The following PDE11A variants were observed in gnomAD, a reference collection of about 807,000 sequenced individuals.
The protein encoded by PDE11A is phosphodiesterase 11A.
Under a neutral mutation model 100.5 loss-of-function variants are expected in PDE11A, and 100 were observed. The ratio of observed to expected loss-of-function variants is 1.00; its 90% CI spans 0.85 to 1.18. PDE11A has a LOEUF of 1.18. Among genes scored for constraint, PDE11A ranks in the 50% most tolerant of loss-of-function variants. The probability of loss-of-function intolerance (pLI) is 0.00; values close to 1 mark genes in which losing one functional copy is unlikely to be tolerated. For missense variants in PDE11A, 1,141 were observed against 1,152.6 expected, an observed-to-expected ratio of 0.99 and a Z score of 0.15; for synonymous variants, 381 against 420.8, an observed-to-expected ratio of 0.91 and a Z score of 1.16.
chr2:177,783,339 G>T (rs1394254526), intron 9 of PDE11A, among the ~76,000 whole-genome samples: 1 of 152,184 alleles, frequency 6.6e-6, no homozygotes, highest in African/African-American at 2.4e-5. Flanking sequence ...TACTTCAGAA[G>T]TTCTCATATG....
chr2:177,762,656 G>T (rs1047721579), intron 10 of PDE11A, among the ~76,000 whole-genome samples: 1 of 152,116 alleles, frequency 6.6e-6, no homozygotes, highest in African/African-American at 2.4e-5. Flanking sequence ...GGAATGCAGT[G>T]AATTCTGCTG....
chr2:177,860,226 A>G (rs1026815554), intron 5 of PDE11A, among the ~76,000 whole-genome samples: 1 of 151,752 alleles, frequency 6.6e-6, no homozygotes, highest in Non-Finnish European at 1.5e-5. Context: ...TTTGCCAAAA[A>G]AAAAAAGAGA....
At chr2:178,009,162 C>T (rs2086246729) in intron 2 of PDE11A, among the ~76,000 whole-genome samples, 3 of 152,144 alleles carry the variant, frequency 2.0e-5, no homozygotes, top group Non-Finnish European at 2.9e-5. Context: ...TTGCTCCTAT[C>T]GAGGTCTCAT....
chr2:177,713,887 T>A (rs1051151948), intron 12 of PDE11A, among the ~76,000 whole-genome samples: 4 of 151,874 alleles, frequency 2.6e-5, no homozygotes, highest in African/African-American at 9.7e-5. Context: ...AAATCAGTAG[T>A]CCCTCATTAT....
chr2:177,912,117 G>A (rs560855902), intron 2 of PDE11A, among the ~76,000 whole-genome samples: 1 of 152,118 alleles, frequency 6.6e-6, no homozygotes, highest in African/African-American at 2.4e-5. Context: ...GCAAACCCAA[G>A]GTGGGCTCCT....
At chr2:177,816,030 G>A (rs1014183132) in intron 9 of PDE11A, among the ~76,000 whole-genome samples, 5 of 152,156 alleles carry the variant, frequency 3.3e-5, no homozygotes, top group African/African-American at 1.2e-4. Context: ...GGCCAACATA[G>A]TGAAACCTCA....
rs188992106 is a variant in PDE11A, at chr2:178,071,471, G to A, written c.912+55C>T. On this transcript the variant is annotated intron_variant, in intron 1 of 19. Transcript: ENST00000286063. Reference sequence around the variant, plus strand: ...CCTGGATGCCAGATGATAACCGAAGGCTTATCTCCCAAGCCAATGGGGCTC... The same window carrying A: ...CCTGGATGCCAGATGATAACCGAAGACTTATCTCCCAAGCCAATGGGGCTC... 15,523 of 1,609,540 alleles carry A rather than the reference G, an allele frequency of 9.6e-3. 119 individuals carry two copies. The highest frequency in any genetic ancestry group is 0.012 in the Non-Finnish European group (13,903 of 1,176,396).
chr2:177,806,275 C>A (rs1222098954), intron 9 of PDE11A, among the ~76,000 whole-genome samples: 1 of 152,156 alleles, frequency 6.6e-6, no homozygotes, highest in Non-Finnish European at 1.5e-5. Flanking sequence ...AGCTGCAATT[C>A]AAACCCCTCC....
chr2:177,999,469 G>A (rs770282899), intron 2 of PDE11A, among the ~76,000 whole-genome samples: 5 of 152,132 alleles, frequency 3.3e-5, no homozygotes, highest in South Asian at 4.1e-4. Flanking sequence ...TTAAAGCTTC[G>A]AAAAATTAAT....
intron 1 of PDE11A, among the ~76,000 whole-genome samples, chr2:178,068,125 A>G (rs530126047): frequency 6.6e-6 from 1 of 152,306 alleles, no homozygotes; most frequent in South Asian, 2.1e-4. Flanking sequence ...TCTTGAGGGC[A>G]ATTTTTTCAT....
intron 2 of PDE11A, among the ~76,000 whole-genome samples, chr2:178,079,248 T>G (rs1009296286): frequency 6.6e-6 from 1 of 152,184 alleles, no homozygotes; most frequent in Non-Finnish European, 1.5e-5. Flanking sequence ...ACCTAGGTAT[T>G]AAGCCCAGCA....
At chr2:177,883,918 C>T (rs935293078) in intron 4 of PDE11A, among the ~76,000 whole-genome samples, 2 of 152,190 alleles carry the variant, frequency 1.3e-5, no homozygotes, top group Admixed American at 6.5e-5. Flanking sequence ...ACCACTAGAA[C>T]TGGTAAACAA....
At chr2:178,102,531 C>A (rs1186768341) in intron 2 of PDE11A, among the ~76,000 whole-genome samples, 1 of 150,418 alleles carries the variant, frequency 6.6e-6, no homozygotes, top group Admixed American at 6.6e-5. Flanking sequence ...GCCTTGGCTT[C>A]CCAAAGTACA....
intron 2 of PDE11A, among the ~76,000 whole-genome samples, chr2:177,930,994 T>A (rs2085198132): frequency 6.6e-6 from 1 of 152,180 alleles, no homozygotes; most frequent in African/African-American, 2.4e-5. Context: ...ACTCACATAG[T>A]CACAGGCTAA....
chr2:177,898,072 C>T lies in PDE11A; in HGVS notation c.1288G>A (p.Asp430Asn), dbSNP rs955218387. ...AGATAACTTACTGGTGATTCGATGTCCTCTAGGAGTAAAACAGAACAGCGT... is the reference window on the plus strand; with the variant it reads ...AGATAACTTACTGGTGATTCGATGTTCTCTAGGAGTAAAACAGAACAGCGT... ...CERCSVLLLEDIESPVVKFTK... is the reference protein window; with the variant it reads ...CERCSVLLLENIESPVVKFTK... The change falls in exon 4 of 20, where the codon GAC becomes AAC. Residue 430 changes from aspartate (D) to asparagine (N), a missense_variant. Coordinates refer to ENST00000286063, the MANE Select transcript of PDE11A (RefSeq NM_016953.4). 4 of 1,612,322 alleles carry T rather than the reference C, an allele frequency of 2.5e-6. No homozygotes were observed. In the Admixed American group the frequency reaches 6.7e-5, roughly 27 times the overall value.
chr2:177,818,947 A>C (rs530366748), intron 7 of PDE11A, among the ~76,000 whole-genome samples: 2 of 127,108 alleles, frequency 1.6e-5, no homozygotes, highest in Non-Finnish European at 3.2e-5. Flanking sequence ...CATCATATGC[A>C]AGAAGACATA....
chr2:177,954,540 CA>C (rs544507076), intron 2 of PDE11A, among the ~76,000 whole-genome samples: 95 of 152,132 alleles, frequency 6.2e-4, no homozygotes, highest in African/African-American at 2.2e-3. Flanking sequence ...CTCCATTTGA[CA>C]AAATGAAGAA....
At chr2:177,936,617 G>C (rs1415964210) in intron 2 of PDE11A, among the ~76,000 whole-genome samples, 1 of 152,142 alleles carries the variant, frequency 6.6e-6, no homozygotes, top group Non-Finnish European at 1.5e-5. Flanking sequence ...TTTATTTCAG[G>C]ACTTTAAAAA....
chr2:177,882,393 C>T (rs926381867), intron 4 of PDE11A, among the ~76,000 whole-genome samples: 4 of 152,058 alleles, frequency 2.6e-5, no homozygotes, highest in African/African-American at 9.7e-5. Flanking sequence ...ATGACCAATA[C>T]CAAATAGGTG....
Sources: allele counts gnomAD v4.1 joint callset (sites outside exome capture counted in the v4.1 genomes callset), GRCh38; gene constraint gnomAD v4.1.1; transcripts MANE v1.5; gene names NCBI Gene and HGNC (gene_info 2026-07-23, HGNC 2026-07-21).